Variants in KCTD16 observed in about 807,000 individuals in gnomAD.
The protein encoded by KCTD16 is BTB/POZ domain-containing protein KCTD16.
A neutral mutation model predicts 33.2 loss-of-function variants in KCTD16; 13 were observed. The ratio of observed to expected loss-of-function variants is 0.39; its 90% CI spans 0.25 to 0.62. KCTD16 has a LOEUF of 0.62. Ranked by LOEUF, KCTD16 falls within the 20% of genes least tolerant of loss-of-function variation. The pLI, the probability that KCTD16 is intolerant of heterozygous loss-of-function variation, is 0.50. For missense variants in KCTD16, 441 were observed against 525.1 expected (o/e 0.84, Z 1.57); for synonymous variants, 197 against 195.3 (o/e 1.01, Z -0.07).
chr5:144,180,595 A>T (rs1156729585), intron 2 of KCTD16, among the ~76,000 whole-genome samples: 1 of 152,236 alleles, frequency 6.6e-6, no homozygotes, highest in Non-Finnish European at 1.5e-5. Flanking sequence ...TCTGTTCCAC[A>T]CAACTTCAGC....
intron 3 of KCTD16, among the ~76,000 whole-genome samples, chr5:144,473,282 C>T (rs1292840030): frequency 6.6e-6 from 1 of 152,110 alleles, no homozygotes; most frequent in East Asian, 1.9e-4. Context: ...CTAACTCCTT[C>T]CTATAACTCC....
chr5:144,345,840 G>C (rs1752784521), intron 3 of KCTD16, among the ~76,000 whole-genome samples: 2 of 152,018 alleles, frequency 1.3e-5, no homozygotes, highest in Admixed American at 1.3e-4. Flanking sequence ...CATTTCTCTT[G>C]TGAGTTACAA....
chr5:144,216,066 G>C (rs1753554447), intron 3 of KCTD16, among the ~76,000 whole-genome samples: 1 of 152,142 alleles, frequency 6.6e-6, no homozygotes, highest in South Asian at 2.1e-4. Context: ...TCGGAACCTA[G>C]AGTAATATAT....
At chr5:144,260,101 G>A (rs1395404575) in intron 3 of KCTD16, among the ~76,000 whole-genome samples, 4 of 152,198 alleles carry the variant, frequency 2.6e-5, no homozygotes, top group Non-Finnish European at 4.4e-5. Context: ...ATAAAAAAGG[G>A]AAATAAGAGA....
chr5:144,307,399 C>T (rs866062910), intron 3 of KCTD16, among the ~76,000 whole-genome samples: 1 of 152,192 alleles, frequency 6.6e-6, no homozygotes, highest in African/African-American at 2.4e-5. Context: ...ACTGAGACAG[C>T]ATCTTGCTTT....
At chr5:144,392,178 G>A (rs1474572285) in intron 3 of KCTD16, among the ~76,000 whole-genome samples, 3 of 152,220 alleles carry the variant, frequency 2.0e-5, no homozygotes, top group African/African-American at 4.8e-5. Flanking sequence ...GAAATGAGCA[G>A]TGGTAAGCTG....
rs142447175 is a variant in KCTD16, at chr5:144,207,500, T to C, written c.786T>C (p.Tyr262=). ...SSVTASFINQ[Y]TDDKIWSSYT... Reference sequence around the variant, plus strand: ...TGACAGCATCTTTCATCAACCAATATACAGATGACAAGATCTGGTCAAGCT... The same window carrying C: ...TGACAGCATCTTTCATCAACCAATACACAGATGACAAGATCTGGTCAAGCT... The change falls in exon 3 of 4, where the codon TAT becomes TAC. Residue 262 remains tyrosine, a synonymous_variant. Transcript: ENST00000512467. The C allele has an allele frequency of 9.7e-5, 156 of 1,614,106 alleles. 2 individuals carry two copies. In the African/African-American group the frequency reaches 1.5e-3, roughly 16 times the overall value.
chr5:144,261,130 A>G (rs1363316582), intron 3 of KCTD16, among the ~76,000 whole-genome samples: 1 of 150,948 alleles, frequency 6.6e-6, no homozygotes, highest in Non-Finnish European at 1.5e-5. Context: ...GAACAAATGA[A>G]AGAAGGAGCT....
At chr5:144,178,895 T>C (rs903173282) in intron 2 of KCTD16, among the ~76,000 whole-genome samples, 14 of 152,122 alleles carry the variant, frequency 9.2e-5, no homozygotes, top group African/African-American at 3.1e-4. Context: ...CCCTAGGAAA[T>C]TGGCCTGAAT....
At chr5:144,174,972 G>T (rs1325794926) in intron 2 of KCTD16, among the ~76,000 whole-genome samples, 1 of 152,168 alleles carries the variant, frequency 6.6e-6, no homozygotes, top group South Asian at 2.1e-4. Context: ...AAGCACTGAA[G>T]TCTGTATTTC....
At chr5:144,365,973 TC>T (rs879271981) in intron 3 of KCTD16, among the ~76,000 whole-genome samples, 10 of 152,304 alleles carry the variant, frequency 6.6e-5, no homozygotes, top group Non-Finnish European at 1.3e-4. Context: ...AGAAAGATAC[TC>T]AAGAAACTGG....
At chr5:144,456,774 G>A (rs1353745898) in intron 3 of KCTD16, among the ~76,000 whole-genome samples, 1 of 140,972 alleles carries the variant, frequency 7.1e-6, no homozygotes, top group East Asian at 2.0e-4. Flanking sequence ...TTTTTTTTCT[G>A]GTGGGTGTAA....
At chr5:144,299,271 A>G (rs1489019379) in intron 3 of KCTD16, among the ~76,000 whole-genome samples, 1 of 150,190 alleles carries the variant, frequency 6.7e-6, no homozygotes, top group Non-Finnish European at 1.5e-5. Context: ...TTTTCCTCAA[A>G]AAGAACCAAG....
At chr5:144,297,960 G>A (rs566700947) in intron 3 of KCTD16, among the ~76,000 whole-genome samples, 2 of 152,236 alleles carry the variant, frequency 1.3e-5, no homozygotes, top group African/African-American at 4.8e-5. Context: ...CTTTGCTGCC[G>A]TCACAGACCC....
At chr5:144,257,135 C>G (rs1454950859) in intron 3 of KCTD16, among the ~76,000 whole-genome samples, 1 of 152,110 alleles carries the variant, frequency 6.6e-6, no homozygotes, top group Non-Finnish European at 1.5e-5. Context: ...TGGTGAGTTT[C>G]TAGAGGGCAG....
chr5:144,448,364 G>A (rs1384844099), intron 3 of KCTD16, among the ~76,000 whole-genome samples: 2 of 152,050 alleles, frequency 1.3e-5, no homozygotes, highest in Admixed American at 1.3e-4. Flanking sequence ...AACTGTCTAA[G>A]CCAATTTCTA....
chr5:144,352,438 C>T (rs1751468357), intron 3 of KCTD16, among the ~76,000 whole-genome samples: 1 of 152,142 alleles, frequency 6.6e-6, no homozygotes, highest in African/African-American at 2.4e-5. Context: ...TAATACTCCT[C>T]CCACCCCAAA....
intron 3 of KCTD16, among the ~76,000 whole-genome samples, chr5:144,299,916 C>CA (rs59890704): frequency 0.092 from 12,233 of 132,290 alleles, 1,246 homozygotes; most frequent in African/African-American, 0.25. Flanking sequence ...AAAAAAAAAA[C>CA]AAAAAACAAA....
At chr5:144,258,115 C>T (rs1048787976) in intron 3 of KCTD16, among the ~76,000 whole-genome samples, 1 of 152,066 alleles carries the variant, frequency 6.6e-6, no homozygotes, top group Non-Finnish European at 1.5e-5. Flanking sequence ...AGACACCATG[C>T]TAAGTCCTAG....
Sources: gnomAD v4.1 joint callset for allele counts (sites outside exome capture counted in the v4.1 genomes callset) on GRCh38, gnomAD v4.1.1 for gene constraint, MANE v1.5 for transcripts, NCBI Gene and HGNC (gene_info 2026-07-23, HGNC 2026-07-21) for gene names.